SEMA3C: variants seen among roughly 807,000 people sequenced by gnomAD.
SEMA3C encodes the protein semaphorin 3C.
Under a neutral mutation model 89.4 loss-of-function variants are expected in SEMA3C, and 47 were observed. The ratio of observed to expected loss-of-function variants is 0.53; its 90% CI spans 0.42 to 0.67. SEMA3C has a LOEUF of 0.67. SEMA3C is among the 30% of genes least tolerant of loss of function. The probability of loss-of-function intolerance (pLI) is 0.00; values close to 1 mark genes in which losing one functional copy is unlikely to be tolerated. For missense variants in SEMA3C, 839 were observed against 929.1 expected (o/e 0.90, Z 1.26); for synonymous variants, 310 against 320.2 (o/e 0.97, Z 0.34).
At chr7:80,860,343 T>C (rs1790742388) in intron 2 of SEMA3C, among the ~76,000 whole-genome samples, 1 of 152,192 alleles carries the variant, frequency 6.6e-6, no homozygotes, top group Non-Finnish European at 1.5e-5. Flanking sequence ...AATATTTTGA[T>C]GATACTTTTA....
upstream of SEMA3C, among the ~76,000 whole-genome samples, chr7:80,921,986 A>C (rs1792417145): frequency 6.6e-6 from 1 of 152,186 alleles, no homozygotes; most frequent in Non-Finnish European, 1.5e-5. Context: ...AATAAACTTT[A>C]CCCTAACCAG....
At chr7:80,856,976 C>T (rs1790656589) in intron 2 of SEMA3C, among the ~76,000 whole-genome samples, 1 of 152,020 alleles carries the variant, frequency 6.6e-6, no homozygotes, top group Admixed American at 6.6e-5. Context: ...TCAACATTAT[C>T]CCCATCCTCC....
At chr7:80,850,268 A>C (rs1790480651) in intron 2 of SEMA3C, among the ~76,000 whole-genome samples, 1 of 152,188 alleles carries the variant, frequency 6.6e-6, no homozygotes, top group African/African-American at 2.4e-5. Context: ...GAATGTATAT[A>C]TACCAATGAC....
chr7:80,906,156 G>A (rs1011567658), intron 2 of SEMA3C, among the ~76,000 whole-genome samples: 2 of 152,078 alleles, frequency 1.3e-5, no homozygotes, highest in Non-Finnish European at 2.9e-5. Flanking sequence ...AATTTCTATT[G>A]TTGGAACTTC....
intron 8 of SEMA3C, among the ~76,000 whole-genome samples, chr7:80,803,165 T>C (rs1255475639): frequency 6.6e-6 from 1 of 152,170 alleles, no homozygotes; most frequent in East Asian, 1.9e-4. Flanking sequence ...GTTTTGCAGA[T>C]TGTGGTCAGG....
chr7:80,863,903 A>G (rs1386717699), intron 2 of SEMA3C, among the ~76,000 whole-genome samples: 2 of 120,110 alleles, frequency 1.7e-5, no homozygotes, highest in Non-Finnish European at 3.3e-5. Context: ...CACATATATT[A>G]CATATATATC....
At chr7:80,808,304 A>ATT (rs1789387429) in intron 6 of SEMA3C, among the ~76,000 whole-genome samples, 1 of 134,578 alleles carries the variant, frequency 7.4e-6, no homozygotes, top group East Asian at 2.2e-4. Flanking sequence ...ACAAATGAAA[A>ATT]CTATATATAT....
At chr7:80,812,167 AGTT>A (rs1338095154) in intron 5 of SEMA3C, among the ~76,000 whole-genome samples, 2 of 152,308 alleles carry the variant, frequency 1.3e-5, no homozygotes, top group East Asian at 3.9e-4. Flanking sequence ...GCTAATACAT[AGTT>A]GTTTGAGTTT....
rs533412505 is a variant in SEMA3C, at chr7:80,804,491, G to GAA, written c.659-245_659-244dup. Among the ~76,000 whole-genome samples the GAA allele has an allele frequency of 1.9e-3, 290 of 152,100 alleles. 2 individuals are homozygous for GAA. The highest frequency in any genetic ancestry group is 3.2e-3 in the Non-Finnish European group (219 of 67,936). ...GTGCACCAATGAGTTTCAAAAAATTGAAAAACTTTTCTACCAGTTATTTCC... is the reference window on the plus strand; with the variant it reads ...GTGCACCAATGAGTTTCAAAAAATTGAAAAAAACTTTTCTACCAGTTATTTCC... On this transcript the variant is annotated intron_variant, in intron 7 of 17. Transcript: ENST00000265361.
intron 5 of SEMA3C, among the ~76,000 whole-genome samples, chr7:80,816,899 C>A (rs373333299): frequency 3.8e-4 from 58 of 152,240 alleles, no homozygotes; most frequent in African/African-American, 1.2e-3. Context: ...GTGGGCAATT[C>A]GTACATGGGA....
chr7:80,798,340 A>C, intron 10 of SEMA3C, 104 bp from the exon 11 acceptor site: 1 of 1,046,842 alleles, frequency 9.6e-7, no homozygotes, highest in Non-Finnish European at 1.3e-6. Flanking sequence ...ATAATCCACC[A>C]TAGAAAAGTT....
chr7:80,900,928 C>T (rs1444049091), intron 2 of SEMA3C, among the ~76,000 whole-genome samples: 1 of 152,106 alleles, frequency 6.6e-6, no homozygotes, highest in Non-Finnish European at 1.5e-5. Context: ...AGGTGTGCTC[C>T]TTAGAACAGA....
chr7:80,842,844 C>A (rs1790301140), intron 2 of SEMA3C, among the ~76,000 whole-genome samples: 1 of 152,128 alleles, frequency 6.6e-6, no homozygotes, highest in African/African-American at 2.4e-5. Flanking sequence ...AGTGCAGAAT[C>A]TGTCTTTCTG....
At position 80,810,663 on chromosome 7, in the gene SEMA3C, T is replaced by C; in HGVS notation, c.486A>G (p.Gly162=). 1 of 1,613,800 alleles carries C rather than the reference T, an allele frequency of 6.2e-7. No homozygotes were observed. Among genetic ancestry groups the C allele is most frequent in the African/African-American group, 1.3e-5 (1 of 75,042 alleles). Residue 162 remains glycine (G), a synonymous_variant, in exon 6 of 18, where the codon GGA becomes GGG. Coordinates refer to ENST00000265361, the MANE Select transcript of SEMA3C (RefSeq NM_006379.5). The stretch of plus-strand genomic sequence containing the variant: ...TGGGGTTGAAAGAGCAGCGTCCTTT[T>C]CCAGATTCACACTTGGAGTCAATCA... ...VFMIDSKCES[G]KGRCSFNPNV...
chr7:80,918,706 C>T lies in SEMA3C; in HGVS notation c.-39+122G>A, dbSNP rs769931552. On this transcript the variant is annotated intron_variant, in intron 1 of 17. Transcript: ENST00000265361. ...CAAGGGGAAAGCTTCCCTGACAAAC[C>T]GCGTGTGTTCTTAAGAAAATGTCCA... 6 of 568,992 alleles carry T rather than the reference C, an allele frequency of 1.1e-5. No homozygotes were observed. The South Asian group carries it at 3.9e-4, about 37-fold the overall frequency. The allele number at this position is 568,992 out of a possible 1,614,324, so 35.2% of individuals were successfully genotyped here. A position where few individuals can be genotyped will look rare whatever the true frequency, so the allele number is the denominator to read the frequency against.
chr7:80,870,753 T>C (rs1791037500), intron 2 of SEMA3C, among the ~76,000 whole-genome samples: 1 of 152,130 alleles, frequency 6.6e-6, no homozygotes, highest in African/African-American at 2.4e-5. Flanking sequence ...ATTCTTAACG[T>C]TTTGCTCTGA....
chr7:80,779,860 AAAC>A (rs1444601396), intron 12 of SEMA3C, among the ~76,000 whole-genome samples: 1 of 152,202 alleles, frequency 6.6e-6, no homozygotes, highest in African/African-American at 2.4e-5. Context: ...TTGAAGAAGC[AAAC>A]AACCACATTT....
intron 2 of SEMA3C, among the ~76,000 whole-genome samples, chr7:80,896,973 G>A (rs963958464): frequency 2.6e-5 from 4 of 152,134 alleles, no homozygotes; most frequent in African/African-American, 9.7e-5. Flanking sequence ...CGGTGACAGT[G>A]TGTGGCAGGG....
intron 2 of SEMA3C, among the ~76,000 whole-genome samples, chr7:80,897,999 G>A (rs1414539276): frequency 2.6e-5 from 4 of 152,096 alleles, no homozygotes; most frequent in Middle Eastern, 3.2e-3. Context: ...AAAGGATAAC[G>A]AGATAATTTA....
Sources: allele counts gnomAD v4.1 joint callset (sites outside exome capture counted in the v4.1 genomes callset), GRCh38; gene constraint gnomAD v4.1.1; transcripts MANE v1.5; gene names NCBI Gene and HGNC (gene_info 2026-07-23, HGNC 2026-07-21).